Variants in VPS54 observed in about 807,000 individuals in gnomAD.
VPS54 encodes VPS54 subunit of GARP complex.
VPS54 carries 45 observed loss-of-function variants against 121.5 expected under a neutral mutation model. The ratio of observed to expected loss-of-function variants is 0.37; its 90% CI spans 0.29 to 0.47. The LOEUF is 0.47. VPS54 is among the 20% of genes least tolerant of loss of function. The pLI is 0.99. For synonymous variants in VPS54, 371 were observed against 385.8 expected, an observed-to-expected ratio of 0.96 and a Z score of 0.45; for missense variants, 1,090 against 1,131.4, an observed-to-expected ratio of 0.96 and a Z score of 0.52.
chr2:63,920,423 C>T (rs759726262), intron 14 of VPS54, 23 bp downstream of exon 14: 1 of 1,447,124 alleles, frequency 6.9e-7, no homozygotes, highest in Non-Finnish European at 9.1e-7. Flanking sequence ...AATCAAACAA[C>T]AGAATGGACA....
intron 1 of VPS54, among the ~76,000 whole-genome samples, chr2:64,004,932 C>T (rs1484655683): frequency 6.6e-6 from 1 of 151,824 alleles, no homozygotes. Context: ...GTGCACACTA[C>T]CACACCTGGC....
At chr2:63,934,747 G>A (rs1674375730) in intron 11 of VPS54, among the ~76,000 whole-genome samples, 1 of 152,132 alleles carries the variant, frequency 6.6e-6, no homozygotes, top group South Asian at 2.1e-4. Flanking sequence ...CCTTCTATTA[G>A]AATGTCAGCT....
chr2:63,998,654 T>A (rs1250643756), intron 1 of VPS54, among the ~76,000 whole-genome samples: 1 of 152,166 alleles, frequency 6.6e-6, no homozygotes, highest in Non-Finnish European at 1.5e-5. Flanking sequence ...TTAACACTGC[T>A]TGTATAAATA....
intron 11 of VPS54, among the ~76,000 whole-genome samples, chr2:63,936,720 A>G (rs929365889): frequency 1.3e-5 from 2 of 152,226 alleles, no homozygotes; most frequent in Non-Finnish European, 2.9e-5. Flanking sequence ...ATACAATCGT[A>G]AAGAATGAAG....
intron 1 of VPS54, among the ~76,000 whole-genome samples, chr2:64,016,569 T>C (rs1401898957): frequency 6.6e-6 from 1 of 151,882 alleles, no homozygotes; most frequent in East Asian, 1.9e-4. Flanking sequence ...ATTATGGTGA[T>C]GGTTGCACAA....
At chr2:63,963,756 A>T (rs1370334968) in intron 6 of VPS54, among the ~76,000 whole-genome samples, 2 of 152,152 alleles carry the variant, frequency 1.3e-5, no homozygotes, top group Non-Finnish European at 2.9e-5. Context: ...CAAAATGGGC[A>T]CAAATATACT....
At position 63,916,928 on chromosome 2, in the gene VPS54, C is replaced by T. The variant is rs141473027; in HGVS notation, c.2200G>A (p.Val734Ile). Residue 734 changes from valine (V) to isoleucine (I), a missense_variant, in exon 16 of 23, where the codon GTC becomes ATC. Physicochemically the swap from Val to Ile is conservative, Grantham distance 29 (BLOSUM62 3). Transcript: ENST00000272322. ...EERKPAEVLI[V>I]EGQQYAVVGT... ...ACAACTGCATACTGTTGTCCCTCGA[C>T]AATAAGAACTTCAGCTGGTTTCCTT... The T allele has an allele frequency of 1.9e-4, 299 of 1,613,444 alleles. No individual in the cohort carries two copies. Among genetic ancestry groups the T allele is most frequent in the Non-Finnish European group, 2.3e-4 (272 of 1,179,660 alleles).
intron 1 of VPS54, among the ~76,000 whole-genome samples, chr2:64,008,721 G>C (rs1339502740): frequency 6.6e-6 from 1 of 152,118 alleles, no homozygotes; most frequent in African/African-American, 2.4e-5. Flanking sequence ...TGAAGGTTCT[G>C]TGAAGCGCTA....
At chr2:63,969,037 T>C in intron 4 of VPS54, 46 bp from the exon 5 acceptor site, 8 of 1,473,406 alleles carry the variant, frequency 5.4e-6, no homozygotes, top group Non-Finnish European at 7.5e-6. Context: ...CTTGTTTTCA[T>C]TTTAACTCCG....
At chr2:63,975,148 T>C in intron 3 of VPS54, 1 of 875,674 alleles carries the variant, frequency 1.1e-6, no homozygotes. Context: ...TGGGTCCAAG[T>C]GATTCTCATG....
chr2:63,933,116 A>T (rs543920811), intron 12 of VPS54, among the ~76,000 whole-genome samples: 1 of 152,294 alleles, frequency 6.6e-6, no homozygotes, highest in African/African-American at 2.4e-5. Flanking sequence ...AATCTGGATG[A>T]AGGTTATATG....
intron 5 of VPS54, among the ~76,000 whole-genome samples, chr2:63,968,701 G>T (rs991926935): frequency 6.6e-6 from 1 of 151,706 alleles, no homozygotes; most frequent in Non-Finnish European, 1.5e-5. Context: ...CCTGCGAGAC[G>T]GGGCAAGATT....
chr2:64,017,013 T>C (rs1196126437), intron 1 of VPS54, among the ~76,000 whole-genome samples: 1 of 145,948 alleles, frequency 6.9e-6, no homozygotes, highest in African/African-American at 2.6e-5. Flanking sequence ...TAATTAACTT[T>C]TGTTGATTAA....
chr2:63,920,565 T>C lies in VPS54; in HGVS notation c.1932A>G (p.Thr644=), dbSNP rs754935587. The stretch of plus-strand genomic sequence containing the variant: ...AGATCTGTTCGGTGTCTAAAATGAA[T>C]GTTTCCATTAATCTAGAAAGTGTTA... ...EFITLSRLME[T]FILDTEQICG... The change falls in exon 14 of 23, where the codon ACA becomes ACG. Residue 644 remains threonine (T), a synonymous_variant. Transcript: ENST00000272322. 2.7e-5 allele frequency: 42 copies of C among 1,575,126 alleles called. 1 individual carries two copies. In the South Asian group the frequency reaches 4.8e-4, roughly 18 times the overall value.
At chr2:63,961,145 CATTCATGACTATATTCCCAGT>C (rs1227031791) in intron 7 of VPS54, among the ~76,000 whole-genome samples, 1 of 152,170 alleles carries the variant, frequency 6.6e-6, no homozygotes, top group Non-Finnish European at 1.5e-5. Flanking sequence ...ATCTCTACTT[CATTCATGACTATATTCCCAGT>C]ATTCATTCTG....
chr2:63,912,435 GA>G lies in VPS54; in HGVS notation c.2545-11del. 1 of 1,611,956 alleles carries G rather than the reference GA, an allele frequency of 6.2e-7. No individual in the cohort carries two copies. Among genetic ancestry groups the G allele is most frequent in the Non-Finnish European group, 8.5e-7 (1 of 1,178,834 alleles). ...TGTGATCATGGTAGTCCTGCAATGAGAAATGATAATTGTATTTTTAAGTCCC... is the reference window on the plus strand; with the variant it reads ...TGTGATCATGGTAGTCCTGCAATGAGAATGATAATTGTATTTTTAAGTCCC... On this transcript the variant is annotated splice_polypyrimidine_tract_variant and intron_variant, in intron 19 of 22. Coordinates refer to ENST00000272322, the MANE Select transcript of VPS54 (RefSeq NM_016516.3).
Position 63,914,291 on chromosome 2 carries a change from C to A in VPS54, c.2229-4G>T, listed in dbSNP as rs372451966. ...TCTTATTAACAGCAATACGGTTCTA[C>A]AAGAAAAGAAAAATGGCCCAATAGG... On this transcript the variant is annotated splice_region_variant and splice_polypyrimidine_tract_variant and intron_variant, in intron 16 of 22. Transcript: ENST00000272322. 1.3e-6 allele frequency: 2 copies of A among 1,585,624 alleles called. No individual in the cohort carries two copies. Among genetic ancestry groups the A allele is most frequent in the South Asian group, 2.3e-5 (2 of 86,748 alleles).
Position 63,949,061 on chromosome 2 carries a change from T to C in VPS54, c.1113A>G (p.Glu371=), listed in dbSNP as rs113777840. The change falls in exon 8 of 23, where the codon GAA becomes GAG. Residue 371 remains glutamate (E), a synonymous_variant. Transcript: ENST00000272322. ...CCTCTTCTAAAACTTGACAGTCATC[T>C]TCCAGTGGTCTATTTAAGTCACTGT... is the stretch of plus-strand genomic sequence containing the variant. ...YSHSDLNRPL[E]DDCQVLEEER... 2 of 1,611,448 alleles carry C rather than the reference T, an allele frequency of 1.2e-6. No individual in the cohort carries two copies. Among genetic ancestry groups the C allele is most frequent in the Admixed American group, 1.7e-5 (1 of 59,626 alleles).
intron 22 of VPS54, among the ~76,000 whole-genome samples, chr2:63,896,656 C>A (rs1672456505): frequency 6.6e-6 from 1 of 152,148 alleles, no homozygotes; most frequent in African/African-American, 2.4e-5. Context: ...CTGACCCCAA[C>A]ATACATTTTT....
Sources: gnomAD v4.1 joint callset for allele counts (sites outside exome capture counted in the v4.1 genomes callset) on GRCh38, gnomAD v4.1.1 for gene constraint, MANE v1.5 for transcripts, NCBI Gene and HGNC (gene_info 2026-07-23, HGNC 2026-07-21) for gene names.